The following MTA3 variants were observed in gnomAD, a reference collection of about 807,000 sequenced individuals.
MTA3 encodes the protein metastasis associated 1 family member 3.
MTA3 carries 34 observed loss-of-function variants against 83.5 expected under a neutral mutation model. The ratio of observed to expected loss-of-function variants is 0.41; its 90% confidence interval spans 0.31 to 0.54. The LOEUF is 0.54. Among genes scored for constraint, MTA3 ranks in the 20% least tolerant of loss-of-function variants. The probability of loss-of-function intolerance (pLI) is 0.33; values close to 1 mark genes in which losing one functional copy is unlikely to be tolerated. For missense variants in MTA3, 761 were observed against 726.4 expected, an observed-to-expected ratio of 1.05 and a Z score of -0.55; for synonymous variants, 303 against 252.7, an observed-to-expected ratio of 1.20 and a Z score of -1.89.
At chr2:42,496,826 T>C (rs1184511619) in intron 2 of MTA3, among the ~76,000 whole-genome samples, 1 of 152,178 alleles carries the variant, frequency 6.6e-6, no homozygotes, top group East Asian at 1.9e-4. Context: ...GCACTCCAGT[T>C]CTTTCCTATC....
intron 3 of MTA3, among the ~76,000 whole-genome samples, chr2:42,599,104 C>T (rs534165562): frequency 2.0e-5 from 3 of 152,118 alleles, no homozygotes; most frequent in Non-Finnish European, 4.4e-5. Flanking sequence ...TGGCTAATGT[C>T]CCATATCCTT....
chr2:42,557,501 C>T (rs1484757078), intron 2 of MTA3, among the ~76,000 whole-genome samples: 1 of 152,098 alleles, frequency 6.6e-6, no homozygotes, highest in Non-Finnish European at 1.5e-5. Context: ...AAACTGCCTC[C>T]AGGTGTCCTG....
Position 42,708,870 on chromosome 2 carries a change from G to T in MTA3, c.1303-4G>T, listed in dbSNP as rs781101361. On this transcript the variant is annotated splice_polypyrimidine_tract_variant and splice_region_variant and intron_variant, in intron 13 of 16. Coordinates refer to ENST00000405094, the MANE Select transcript of MTA3 (RefSeq NM_001330442.2). ...TGAGTGTTTGTTGTTTTCTGATTTT[G>T]CAGGACCCTCGTGTTAGAAGTCACG... 3 of 1,613,552 alleles carry T rather than the reference G, an allele frequency of 1.9e-6. No homozygotes were observed. Among genetic ancestry groups the T allele is most frequent in the Non-Finnish European group, 2.5e-6 (3 of 1,179,752 alleles).
chr2:42,551,085 A>AAATAAATAAATT (rs1461893313), intron 2 of MTA3, among the ~76,000 whole-genome samples: 1 of 150,298 alleles, frequency 6.7e-6, no homozygotes, highest in Non-Finnish European at 1.5e-5. Context: ...ATAAATAAAT[A>AAATAAATAAATT]AATTAAAATT....
intron 3 of MTA3, among the ~76,000 whole-genome samples, chr2:42,586,274 C>G (rs1195360359): frequency 7.6e-6 from 1 of 131,508 alleles, no homozygotes; most frequent in Non-Finnish European, 1.6e-5. Context: ...AACTCCATCT[C>G]AAAAGAAAAA....
chr2:42,714,776 ATTAG>A (rs1228977550), intron 14 of MTA3, among the ~76,000 whole-genome samples: 6 of 152,182 alleles, frequency 3.9e-5, no homozygotes, highest in African/African-American at 1.4e-4. Flanking sequence ...ATCATCAGGC[ATTAG>A]TTAGAGGCTC....
At chr2:42,497,613 A>C (rs558638557) in intron 2 of MTA3, among the ~76,000 whole-genome samples, 118 of 151,842 alleles carry the variant, frequency 7.8e-4, no homozygotes, top group African/African-American at 2.7e-3. Context: ...CAGATTGTCT[A>C]TAGGGCTCTC....
chr2:42,647,120 G>A (rs1301722391), intron 6 of MTA3, among the ~76,000 whole-genome samples: 3 of 142,034 alleles, frequency 2.1e-5, no homozygotes, highest in Admixed American at 7.0e-5. Context: ...TCGCGCCACT[G>A]CACTCCAGCC....
intron 9 of MTA3, among the ~76,000 whole-genome samples, chr2:42,683,738 A>G (rs2104441273): frequency 6.6e-6 from 1 of 152,196 alleles, no homozygotes; most frequent in East Asian, 1.9e-4. Context: ...TCCCGTGAGA[A>G]TCTAATGCCG....
chr2:42,695,505 A>T (rs1250195933), intron 9 of MTA3, among the ~76,000 whole-genome samples: 1 of 151,608 alleles, frequency 6.6e-6, no homozygotes, highest in South Asian at 2.1e-4. Context: ...GCATGGTGGC[A>T]TGTGCTTCTA....
intron 4 of MTA3, among the ~76,000 whole-genome samples, chr2:42,612,816 G>A (rs534869373): frequency 2.6e-5 from 4 of 152,100 alleles, no homozygotes; most frequent in South Asian, 2.1e-4. Context: ...AGCCAAGATC[G>A]CACTACTGTA....
chr2:42,726,016 T>G (rs77078499), intron 16 of MTA3, among the ~76,000 whole-genome samples: 5,981 of 152,294 alleles, frequency 0.039, 410 homozygotes, highest in African/African-American at 0.14. Context: ...AACCAGAGTT[T>G]CCAAGATGAA....
At chr2:42,606,218 C>T (rs1428434884) in intron 3 of MTA3, among the ~76,000 whole-genome samples, 3 of 145,044 alleles carry the variant, frequency 2.1e-5, no homozygotes, top group Non-Finnish European at 4.6e-5. Context: ...CACCTCCCTC[C>T]CGGACGGGGT....
At chr2:42,517,573 CAAA>C (rs70963320) in intron 2 of MTA3, among the ~76,000 whole-genome samples, 1 of 98,472 alleles carries the variant, frequency 1.0e-5, no homozygotes, top group Admixed American at 1.1e-4. Flanking sequence ...AATTCCATCT[CAAA>C]AAAAAAAAAA....
At chr2:42,526,560 C>T (rs929583232) in intron 2 of MTA3, among the ~76,000 whole-genome samples, 6 of 152,188 alleles carry the variant, frequency 3.9e-5, no homozygotes, top group Non-Finnish European at 7.3e-5. Context: ...CCCTGGCAGA[C>T]GGCTTGTGAC....
upstream of MTA3, among the ~76,000 whole-genome samples, chr2:42,565,791 G>T (rs980751250): frequency 3.3e-5 from 5 of 152,062 alleles, no homozygotes; most frequent in African/African-American, 1.2e-4. Flanking sequence ...ATCACTTGAG[G>T]TCAGGAGTTC....
At chr2:42,608,896 A>T (rs949827889) in intron 3 of MTA3, among the ~76,000 whole-genome samples, 7 of 152,038 alleles carry the variant, frequency 4.6e-5, no homozygotes, top group African/African-American at 1.7e-4. Context: ...AAAAAAAGTG[A>T]ATTAATTTTT....
intron 2 of MTA3, among the ~76,000 whole-genome samples, chr2:42,531,803 C>T (rs954630901): frequency 6.6e-6 from 1 of 151,660 alleles, no homozygotes; most frequent in African/African-American, 2.4e-5. Context: ...GTCACCCAGG[C>T]TGGAGTGCAG....
intron 16 of MTA3, among the ~76,000 whole-genome samples, chr2:42,742,952 A>G (rs1669139700): frequency 6.6e-6 from 1 of 152,170 alleles, no homozygotes; most frequent in African/African-American, 2.4e-5. Context: ...TATAAAGAGG[A>G]ACTACCCTTG....
Sources: allele counts gnomAD v4.1 joint callset (sites outside exome capture counted in the v4.1 genomes callset), GRCh38; gene constraint gnomAD v4.1.1; transcripts MANE v1.5; gene names NCBI Gene and HGNC (gene_info 2026-07-23, HGNC 2026-07-21).